Variants in MICOS10 observed in about 807,000 individuals in gnomAD.
MICOS10 encodes the protein MICOS complex subunit MIC10.
A neutral mutation model predicts 13.4 loss-of-function variants in MICOS10; 5 were observed. The observed-to-expected ratio is 0.37, with a 90% CI of 0.20 to 0.78. MICOS10 has a LOEUF of 0.78. MICOS10 is among the 30% of genes least tolerant of loss of function. The probability of loss-of-function intolerance (pLI) is 0.47; values close to 1 mark genes in which losing one functional copy is unlikely to be tolerated. For synonymous variants in MICOS10, 35 were observed against 33.6 expected (o/e 1.04, Z -0.15); for missense variants, 101 against 94.6 (o/e 1.07, Z -0.28).
intron 1 of MICOS10, chr1:19,608,504 G>A: frequency 8.8e-7 from 1 of 1,137,398 alleles, no homozygotes; most frequent in Non-Finnish European, 1.3e-6. Context: ...GAGGATTGAG[G>A]ACGTCACCCC....
intron 2 of MICOS10, among the ~76,000 whole-genome samples, chr1:19,622,586 T>A (rs900238197): frequency 2.0e-5 from 3 of 152,232 alleles, no homozygotes; most frequent in African/African-American, 7.2e-5. Context: ...CAGGCAATAT[T>A]CTTTTCATTC....
intron 1 of MICOS10, chr1:19,600,749 G>A (rs746792264): frequency 5.0e-5 from 22 of 436,290 alleles, no homozygotes; most frequent in South Asian, 2.7e-4. Flanking sequence ...CTGTGGGTAC[G>A]CACCACCATA....
intron 1 of MICOS10, among the ~76,000 whole-genome samples, chr1:19,620,390 ATT>A (rs1248216083): frequency 6.6e-6 from 1 of 152,256 alleles, no homozygotes; most frequent in Non-Finnish European, 1.5e-5. Context: ...CAGTTCCACC[ATT>A]GTTTATCTTT....
intron 1 of MICOS10, chr1:19,608,388 C>A: frequency 8.0e-7 from 1 of 1,253,850 alleles, no homozygotes; most frequent in Non-Finnish European, 1.2e-6. Context: ...GGTATCATTG[C>A]CCTACACATC....
chr1:19,601,136 T>C (rs1297193427), intron 1 of MICOS10: 6 of 565,180 alleles, frequency 1.1e-5, no homozygotes, highest in African/African-American at 2.0e-5. Flanking sequence ...GCCTGTACTT[T>C]AGGCAGTGGT....
At chr1:19,600,916 A>G (rs1354029091) in intron 1 of MICOS10, 2 of 1,289,308 alleles carry the variant, frequency 1.6e-6, no homozygotes, top group South Asian at 1.2e-5. Context: ...TGATAATTTC[A>G]TACTCTGGCT....
chr1:19,600,912 T>C, intron 1 of MICOS10: 1 of 1,289,414 alleles, frequency 7.8e-7, no homozygotes, highest in Non-Finnish European at 1.0e-6. Context: ...ATCTTGATAA[T>C]TTCATACTCT....
chr1:19,620,851 G>A (rs1167713070), intron 1 of MICOS10, among the ~76,000 whole-genome samples: 1 of 152,332 alleles, frequency 6.6e-6, no homozygotes, highest in East Asian at 1.9e-4. Flanking sequence ...CTCCTTGGGG[G>A]AAAATAGAAG....
chr1:19,606,056 G>A (rs897255424), intron 1 of MICOS10, among the ~76,000 whole-genome samples: 1 of 152,186 alleles, frequency 6.6e-6, no homozygotes, highest in Non-Finnish European at 1.5e-5. Context: ...GCTAGGATGT[G>A]GGGGCAGGGA....
At chr1:19,611,078 A>G (rs1322700103) in intron 1 of MICOS10, among the ~76,000 whole-genome samples, 1 of 151,712 alleles carries the variant, frequency 6.6e-6, no homozygotes, top group African/African-American at 2.4e-5. Context: ...CAGCCTCCCA[A>G]GTAGCTGGGA....
intron 1 of MICOS10, among the ~76,000 whole-genome samples, chr1:19,604,216 T>C (rs763917271): frequency 3.2e-4 from 49 of 152,254 alleles, no homozygotes; most frequent in Middle Eastern, 6.8e-3. Flanking sequence ...CTAAATATTA[T>C]TAACTGGAGG....
intron 1 of MICOS10, among the ~76,000 whole-genome samples, chr1:19,617,914 T>C (rs1312672936): frequency 6.6e-6 from 1 of 151,676 alleles, no homozygotes; most frequent in Non-Finnish European, 1.5e-5. Context: ...AAAATATATA[T>C]ATATGTATAT....
chr1:19,604,458 A>G (rs966282427), intron 1 of MICOS10, among the ~76,000 whole-genome samples: 4 of 152,122 alleles, frequency 2.6e-5, no homozygotes, highest in Admixed American at 2.6e-4. Context: ...GCAGTGAGCT[A>G]AGATGCAGCC....
chr1:19,598,611 T>TAAA (rs34959568), intron 1 of MICOS10, among the ~76,000 whole-genome samples: 3 of 141,392 alleles, frequency 2.1e-5, no homozygotes, highest in African/African-American at 5.2e-5. Flanking sequence ...ACCCTTCCCT[T>TAAA]AAAAAAAAAA....
At chr1:19,599,053 A>G (rs747860922) in intron 1 of MICOS10, among the ~76,000 whole-genome samples, 9 of 151,774 alleles carry the variant, frequency 5.9e-5, no homozygotes, top group Non-Finnish European at 1.3e-4. Context: ...CCACACTCAT[A>G]GTAGTTGTTT....
intron 1 of MICOS10, chr1:19,617,423 G>A (rs1194309370): frequency 2.0e-6 from 1 of 495,522 alleles, no homozygotes; most frequent in Non-Finnish European, 2.6e-6. Context: ...GATTAATACA[G>A]ACTAAATTCA....
At chr1:19,619,224 A>G (rs1312774059) in intron 1 of MICOS10, among the ~76,000 whole-genome samples, 1 of 152,226 alleles carries the variant, frequency 6.6e-6, no homozygotes, top group African/African-American at 2.4e-5. Flanking sequence ...ATATATGACT[A>G]CAGCTCATTC....
intron 3 of MICOS10, among the ~76,000 whole-genome samples, chr1:19,624,489 T>C (rs1206797074): frequency 6.6e-6 from 1 of 152,156 alleles, no homozygotes; most frequent in Admixed American, 6.5e-5. Flanking sequence ...GGTTTCACCA[T>C]GTTGGCCAGG....
At chr1:19,600,748 C>T (rs184519631) in intron 1 of MICOS10, 81 of 432,104 alleles carry the variant, frequency 1.9e-4, no homozygotes, top group Admixed American at 1.8e-3. Context: ...ACTGTGGGTA[C>T]GCACCACCAT....
Sources: gnomAD v4.1 joint callset for allele counts (sites outside exome capture counted in the v4.1 genomes callset) on GRCh38, gnomAD v4.1.1 for gene constraint, MANE v1.5 for transcripts, NCBI Gene and HGNC (gene_info 2026-07-23, HGNC 2026-07-21) for gene names.